The following HSPA4L variants were observed in gnomAD, a reference collection of about 807,000 sequenced individuals.
The protein encoded by HSPA4L is heat shock 70 kDa protein 4L.
Under a neutral mutation model 100.3 loss-of-function variants are expected in HSPA4L, and 48 were observed. The ratio of observed to expected loss-of-function variants is 0.48; its 90% CI spans 0.38 to 0.61. HSPA4L has a LOEUF of 0.61. HSPA4L is among the 20% of genes least tolerant of loss of function. HSPA4L has a pLI of 0.00. For synonymous variants in HSPA4L, 319 were observed against 328.2 expected (o/e 0.97, Z 0.30); for missense variants, 886 against 988.6 (o/e 0.90, Z 1.39).
rs1481943036 is a variant in HSPA4L, at chr4:127,837,208, C to T, written c.*4334C>T. On this transcript the variant is annotated 3_prime_UTR_variant, in exon 19 of 19. Coordinates refer to ENST00000296464, the MANE Select transcript of HSPA4L (RefSeq NM_014278.4). The stretch of plus-strand genomic sequence containing the variant: ...CAGGTAATCCACCCACCTCAGACTC[C>T]CAAAGTGCTGGGATTACAGGCGTGA... The T allele has an allele frequency of 6.6e-6, 1 of 152,124 alleles. No homozygotes were observed. The highest frequency in any genetic ancestry group is 6.6e-5 in the Admixed American group (1 of 15,266). 9.4% of individuals were successfully genotyped at this position (152,124 alleles called of 1,614,324 possible). A position where few individuals can be genotyped will look rare whatever the true frequency, so the allele number is the denominator to read the frequency against.
intron 11 of HSPA4L, among the ~76,000 whole-genome samples, chr4:127,811,055 C>CA (rs1048197747): frequency 6.3e-4 from 95 of 151,626 alleles, no homozygotes; most frequent in Non-Finnish European, 8.8e-4. Context: ...AAGCTTATAT[C>CA]AAAAAAAATC....
In HSPA4L at chr4:127,832,576, A is replaced by G. The variant is rs1734109552; in HGVS notation, c.2329-107A>G. 8 of 984,002 alleles carry G rather than the reference A, an allele frequency of 8.1e-6. No individual in the cohort carries two copies. The South Asian group carries it at 1.3e-4, about 16-fold the overall frequency. The allele number at this position is 984,002 out of a possible 1,614,324, so 61.0% of individuals were successfully genotyped here. A position where few individuals can be genotyped will look rare whatever the true frequency, so the allele number is the denominator to read the frequency against. On this transcript the variant is annotated intron_variant, in intron 18 of 18. Coordinates refer to ENST00000296464, the MANE Select transcript of HSPA4L (RefSeq NM_014278.4). Reference sequence around the variant, plus strand: ...TGGCTATCTAGCTGAGCAAATTCAGAAAGGGGGAATTATGTGAAAATTTAG... The same window carrying G: ...TGGCTATCTAGCTGAGCAAATTCAGGAAGGGGGAATTATGTGAAAATTTAG...
Position 127,833,074 on chromosome 4 carries a change from T to C in HSPA4L, c.*200T>C. 1 of 407,654 alleles carries C rather than the reference T, an allele frequency of 2.5e-6. No homozygotes were observed. The highest frequency in any genetic ancestry group is 4.3e-6 in the Non-Finnish European group (1 of 231,388). The allele number at this position is 407,654 out of a possible 1,614,324, so 25.3% of individuals were successfully genotyped here. A position where few individuals can be genotyped will look rare whatever the true frequency, so the allele number is the denominator to read the frequency against. ...CTGCTTATATGCAGTGTTAGCCGAA[T>C]TAGATTTACAAGACAATCTAAGCTT... On this transcript the variant is annotated 3_prime_UTR_variant, in exon 19 of 19. Transcript: ENST00000296464.
At position 127,835,127 on chromosome 4, in the gene HSPA4L, T is replaced by G. The variant is rs1734173773; in HGVS notation, c.*2253T>G. ...TCCAATTTTAATCTGCATTAAAATATGCAATGCTAGACAAAGATTTTCAAA... is the reference window on the plus strand; with the variant it reads ...TCCAATTTTAATCTGCATTAAAATAGGCAATGCTAGACAAAGATTTTCAAA... On this transcript the variant is annotated 3_prime_UTR_variant, in exon 19 of 19. Coordinates refer to ENST00000296464, the MANE Select transcript of HSPA4L (RefSeq NM_014278.4). The G allele has an allele frequency of 6.6e-6, 1 of 152,202 alleles. No individual in the cohort carries two copies. The highest frequency in any genetic ancestry group is 2.1e-4 in the South Asian group (1 of 4,830). 9.4% of individuals were successfully genotyped at this position (152,202 alleles called of 1,614,324 possible).
intron 17 of HSPA4L, among the ~76,000 whole-genome samples, chr4:127,829,769 G>T (rs1386450973): frequency 6.6e-6 from 1 of 151,656 alleles, no homozygotes; most frequent in East Asian, 1.9e-4. Flanking sequence ...GTTCAGGCTA[G>T]AGATTTTTTT....
At chr4:127,791,418 GA>G (rs1223217484) in intron 1 of HSPA4L, among the ~76,000 whole-genome samples, 2 of 152,212 alleles carry the variant, frequency 1.3e-5, no homozygotes, top group African/African-American at 4.8e-5. Flanking sequence ...ACAGACAAAA[GA>G]GTCCCTGCAT....
chr4:127,782,545 G>A lies in HSPA4L; in HGVS notation c.-6G>A, dbSNP rs1411883036. 6 of 1,612,194 alleles carry A rather than the reference G, an allele frequency of 3.7e-6. No individual in the cohort carries two copies. Among genetic ancestry groups the A allele is most frequent in the Non-Finnish European group, 4.2e-6 (5 of 1,178,422 alleles). On this transcript the variant is annotated 5_prime_UTR_variant, in exon 1 of 19. Transcript: ENST00000296464. ...AGTACCAGCAGCCCGACCATCACGC[G>A]GCGGGATGTCTGTGGTTGGCATTGA...
intron 15 of HSPA4L, 30 bp downstream of exon 15, chr4:127,822,924 A>G (rs1335982591): frequency 6.2e-7 from 1 of 1,603,160 alleles, no homozygotes; most frequent in East Asian, 2.2e-5. Context: ...ATTTTTTGTG[A>G]GGACTATTTA....
chr4:127,799,523 C>G (rs1353641816), intron 4 of HSPA4L, among the ~76,000 whole-genome samples: 1 of 152,142 alleles, frequency 6.6e-6, no homozygotes, highest in African/African-American at 2.4e-5. Flanking sequence ...TGCCCAAAAT[C>G]AGCACAGCTA....
intron 4 of HSPA4L, among the ~76,000 whole-genome samples, chr4:127,799,156 G>A (rs1334275224): frequency 6.6e-6 from 1 of 152,046 alleles, no homozygotes; most frequent in Non-Finnish European, 1.5e-5. Context: ...TTGTTAACTG[G>A]TTCTTTACCT....
At chr4:127,790,799 T>G (rs1003929727) in intron 1 of HSPA4L, among the ~76,000 whole-genome samples, 2 of 152,192 alleles carry the variant, frequency 1.3e-5, no homozygotes, top group African/African-American at 2.4e-5. Context: ...CACTGTCCAA[T>G]AAAAGCATAT....
intron 11 of HSPA4L, among the ~76,000 whole-genome samples, chr4:127,810,798 C>T (rs1160215688): frequency 6.6e-6 from 1 of 151,982 alleles, no homozygotes; most frequent in Non-Finnish European, 1.5e-5. Context: ...GTACTACGCA[C>T]AGTGTGGGAG....
intron 12 of HSPA4L, chr4:127,812,650 T>G: frequency 1.5e-6 from 1 of 676,386 alleles, no homozygotes; most frequent in Non-Finnish European, 2.6e-6. Context: ...TTTTGTTTGT[T>G]TGTTTTTGTT....
chr4:127,818,052 G>A (rs1733717650), intron 12 of HSPA4L, among the ~76,000 whole-genome samples: 1 of 129,766 alleles, frequency 7.7e-6, no homozygotes, highest in South Asian at 2.4e-4. Context: ...ATCTTGATTT[G>A]TAAATTTGGC....
chr4:127,815,932 A>C (rs1162282186), intron 12 of HSPA4L, among the ~76,000 whole-genome samples: 1 of 152,210 alleles, frequency 6.6e-6, no homozygotes, highest in Non-Finnish European at 1.5e-5. Context: ...GTAGTTGTCC[A>C]GGCAGAGTGA....
chr4:127,828,603 A>G (rs1015326577), intron 17 of HSPA4L, among the ~76,000 whole-genome samples: 1 of 152,140 alleles, frequency 6.6e-6, no homozygotes, highest in Non-Finnish European at 1.5e-5. Flanking sequence ...CTTATTTTAG[A>G]AATAAGAGAT....
chr4:127,819,495 T>C (rs545063439), intron 13 of HSPA4L, among the ~76,000 whole-genome samples: 90 of 152,336 alleles, frequency 5.9e-4, no homozygotes, highest in African/African-American at 2.1e-3. Context: ...AACAGCTTTA[T>C]TGAGATATAG....
At position 127,834,133 on chromosome 4, in the gene HSPA4L, C is replaced by G. The variant is rs547891268; in HGVS notation, c.*1259C>G. 1 of 152,300 alleles carries G rather than the reference C, an allele frequency of 6.6e-6. No homozygotes were observed. Among genetic ancestry groups the G allele is most frequent in the Admixed American group, 6.5e-5 (1 of 15,296 alleles). 9.4% of individuals were successfully genotyped at this position (152,300 alleles called of 1,614,324 possible). On this transcript the variant is annotated 3_prime_UTR_variant, in exon 19 of 19. Coordinates refer to ENST00000296464, the MANE Select transcript of HSPA4L (RefSeq NM_014278.4). ...CCCAACTTGTTCACATTGTTAATTT[C>G]TGTCCAGAGACCTGAAACTGCTTAA... is the stretch of plus-strand genomic sequence containing the variant.
Position 127,838,853 on chromosome 4 carries a change from G to A in HSPA4L, c.*5979G>A, listed in dbSNP as rs1385901696. The A allele has an allele frequency of 2.6e-5, 4 of 152,122 alleles. No homozygotes were observed. Among genetic ancestry groups the A allele is most frequent in the Non-Finnish European group, 5.9e-5 (4 of 68,012 alleles). The allele number at this position is 152,122 out of a possible 1,614,324, so 9.4% of individuals were successfully genotyped here. A position where few individuals can be genotyped will look rare whatever the true frequency, so the allele number is the denominator to read the frequency against. ...TACTGATAATCCAATCACTTGGATA[G>A]TTAATTTTATTACTTTTTGTTTCCT... is the stretch of plus-strand genomic sequence containing the variant. On this transcript the variant is annotated 3_prime_UTR_variant, in exon 19 of 19. Transcript: ENST00000296464.
Sources: gnomAD v4.1 joint callset for allele counts (sites outside exome capture counted in the v4.1 genomes callset) on GRCh38, gnomAD v4.1.1 for gene constraint, MANE v1.5 for transcripts, NCBI Gene and HGNC (gene_info 2026-07-23, HGNC 2026-07-21) for gene names.